The following FAF1 variants were observed in gnomAD, a reference collection of about 807,000 sequenced individuals.
FAF1 encodes FAS-associated factor 1.
Under a neutral mutation model 92.5 loss-of-function variants are expected in FAF1, and 25 were observed. The observed-to-expected ratio is 0.27, with a 90% confidence interval of 0.20 to 0.38. FAF1 has a LOEUF of 0.38. FAF1 is among the 10% of genes least tolerant of loss of function. FAF1 has a pLI of 1.00. For missense variants in FAF1, 636 were observed against 793.3 expected, an observed-to-expected ratio of 0.80 and a Z score of 2.38; for synonymous variants, 234 against 273.2, an observed-to-expected ratio of 0.86 and a Z score of 1.42.
At position 50,736,659 on chromosome 1, in the gene FAF1, G is replaced by A. The variant is rs181454422; in HGVS notation, c.551+2204C>T. 2.6e-4 allele frequency among the ~76,000 whole-genome samples: 39 copies of A among 152,214 alleles called. No individual in the cohort carries two copies. The East Asian group carries it at 5.4e-3, about 21-fold the overall frequency. On this transcript the variant is annotated intron_variant, in intron 6 of 18. Coordinates refer to ENST00000396153, the MANE Select transcript of FAF1 (RefSeq NM_007051.3). ...CCAGCTACTCAGGAGGCTGAGACAG[G>A]AGAATTGCTTGAACCCAGGAGGCGG... is the stretch of plus-strand genomic sequence containing the variant.
chr1:50,467,097 A>T (rs1646506929), intron 18 of FAF1, among the ~76,000 whole-genome samples: 1 of 152,132 alleles, frequency 6.6e-6, no homozygotes, highest in Non-Finnish European at 1.5e-5. Flanking sequence ...AGAGGCTGAA[A>T]TATTCTTAAA....
chr1:50,452,983 A>G (rs1288811256), intron 18 of FAF1, among the ~76,000 whole-genome samples: 1 of 152,146 alleles, frequency 6.6e-6, no homozygotes, highest in East Asian at 1.9e-4. Flanking sequence ...GTTGAACAAA[A>G]TGTCTGATCC....
chr1:50,590,754 G>A (rs922289442), intron 9 of FAF1, among the ~76,000 whole-genome samples: 2 of 152,118 alleles, frequency 1.3e-5, no homozygotes, highest in African/African-American at 4.8e-5. Context: ...GGCTGAGGCG[G>A]ATAGATCACC....
intron 6 of FAF1, among the ~76,000 whole-genome samples, chr1:50,708,043 C>T (rs899128011): frequency 1.3e-5 from 2 of 152,204 alleles, no homozygotes; most frequent in South Asian, 2.1e-4. Flanking sequence ...CTCCTGACCT[C>T]GTGATCCACC....
intron 7 of FAF1, among the ~76,000 whole-genome samples, chr1:50,656,767 C>T (rs1569693455): frequency 1.3e-5 from 2 of 152,104 alleles, no homozygotes; most frequent in Non-Finnish European, 2.9e-5. Context: ...CTTGTAATCC[C>T]AGCTACTCGG....
chr1:50,473,857 G>A (rs1646604763), intron 18 of FAF1, among the ~76,000 whole-genome samples: 1 of 152,102 alleles, frequency 6.6e-6, no homozygotes, highest in Non-Finnish European at 1.5e-5. Context: ...GCCAATGTGA[G>A]GGACTTAGAT....
At chr1:50,862,530 T>G (rs924433414) in intron 1 of FAF1, among the ~76,000 whole-genome samples, 1 of 151,856 alleles carries the variant, frequency 6.6e-6, no homozygotes, top group East Asian at 1.9e-4. Context: ...ATAGAGTAAC[T>G]GCACCTCACA....
At chr1:50,671,564 A>G (rs1229199913) in intron 7 of FAF1, among the ~76,000 whole-genome samples, 1 of 152,112 alleles carries the variant, frequency 6.6e-6, no homozygotes, top group Non-Finnish European at 1.5e-5. Context: ...TATACCTGGC[A>G]GTTTTTTATT....
At chr1:50,756,796 A>T (rs1198919697) in intron 4 of FAF1, among the ~76,000 whole-genome samples, 1 of 151,438 alleles carries the variant, frequency 6.6e-6, no homozygotes, top group Non-Finnish European at 1.5e-5. Context: ...GTGCAGGGAA[A>T]CTCCTCCTTA....
At chr1:50,639,431 T>C (rs186197486) in intron 8 of FAF1, among the ~76,000 whole-genome samples, 328 of 152,370 alleles carry the variant, frequency 2.2e-3, no homozygotes, top group Non-Finnish European at 3.1e-3. Context: ...CATGAATGTA[T>C]GCTAAATTTT....
rs1645306683 is a variant in FAF1, at chr1:50,960,215, G to A, written c.-404C>T. On this transcript the variant is annotated 5_prime_UTR_variant, in exon 1 of 19. Coordinates refer to ENST00000396153, the MANE Select transcript of FAF1 (RefSeq NM_007051.3). Reference sequence around the variant, plus strand: ...GAGCGAGCGGGCGGGCGAACGCCGCGGCCGCCTCCGCCTCCTCCGCTTCCT... The same window carrying A: ...GAGCGAGCGGGCGGGCGAACGCCGCAGCCGCCTCCGCCTCCTCCGCTTCCT... 1 of 331,072 alleles carries A rather than the reference G, an allele frequency of 3.0e-6. No homozygotes were observed. Among genetic ancestry groups the A allele is most frequent in the Non-Finnish European group, 5.5e-6 (1 of 181,446 alleles). The allele number at this position is 331,072 out of a possible 1,614,324, so 20.5% of individuals were successfully genotyped here.
intron 1 of FAF1, among the ~76,000 whole-genome samples, chr1:50,869,056 G>A (rs943755066): frequency 1.3e-5 from 2 of 151,956 alleles, no homozygotes; most frequent in African/African-American, 4.8e-5. Context: ...GCCAATTTTT[G>A]CTTGACAATG....
chr1:50,772,064 A>G (rs1446782526), intron 4 of FAF1, among the ~76,000 whole-genome samples: 4 of 152,232 alleles, frequency 2.6e-5, no homozygotes, highest in Admixed American at 2.0e-4. Flanking sequence ...TAAGTATAAT[A>G]GTGAAAAATT....
chr1:50,636,374 G>A (rs529178986), intron 8 of FAF1, among the ~76,000 whole-genome samples: 4 of 139,622 alleles, frequency 2.9e-5, no homozygotes, highest in South Asian at 4.5e-4. Flanking sequence ...AGTTTGGGGC[G>A]TGTCCTTTTT....
intron 1 of FAF1, among the ~76,000 whole-genome samples, chr1:50,892,187 G>A (rs568141971): frequency 6.6e-6 from 1 of 152,310 alleles, no homozygotes; most frequent in East Asian, 1.9e-4. Flanking sequence ...CTGGTGTGCC[G>A]TTTGCTAAGA....
intron 7 of FAF1, among the ~76,000 whole-genome samples, chr1:50,703,050 C>T (rs1212587323): frequency 1.3e-5 from 2 of 151,468 alleles, no homozygotes; most frequent in Non-Finnish European, 2.9e-5. Flanking sequence ...TGACCAGGAA[C>T]CTTTGTGTTT....
intron 7 of FAF1, among the ~76,000 whole-genome samples, chr1:50,691,599 T>C (rs1215102357): frequency 6.6e-6 from 1 of 151,498 alleles, no homozygotes; most frequent in Non-Finnish European, 1.5e-5. Context: ...TTTTGCTTTT[T>C]TCTTTTTTTG....
At chr1:50,671,800 A>T (rs997843256) in intron 7 of FAF1, among the ~76,000 whole-genome samples, 6 of 150,338 alleles carry the variant, frequency 4.0e-5, no homozygotes, top group Admixed American at 4.0e-4. Context: ...TGCCATGAAC[A>T]TATTAAATTT....
At chr1:50,502,004 A>G (rs1646996362) in intron 15 of FAF1, among the ~76,000 whole-genome samples, 1 of 152,246 alleles carries the variant, frequency 6.6e-6, no homozygotes, top group African/African-American at 2.4e-5. Context: ...TGAAAAATAT[A>G]AACACTATAG....
Sources: allele counts gnomAD v4.1 joint callset (sites outside exome capture counted in the v4.1 genomes callset), GRCh38; gene constraint gnomAD v4.1.1; transcripts MANE v1.5; gene names NCBI Gene and HGNC (gene_info 2026-07-23, HGNC 2026-07-21).